Variants in ARHGAP15 observed in about 807,000 individuals in gnomAD.
ARHGAP15 encodes Rho GTPase activating protein 15.
In ARHGAP15, 51 loss-of-function variants were observed where a neutral mutation model predicts 63.7. That is an observed-to-expected ratio of 0.80 (90% CI 0.64 to 1.01). The LOEUF is 1.01. Ranked by LOEUF, ARHGAP15 falls within the 50% of genes least tolerant of loss-of-function variation. The pLI is 0.00. For missense variants in ARHGAP15, 560 were observed against 564.6 expected (o/e 0.99, Z 0.08); for synonymous variants, 191 against 193.8 (o/e 0.99, Z 0.12).
chr2:143,765,986 C>G (rs1467261700), intron 13 of ARHGAP15, among the ~76,000 whole-genome samples: 2 of 152,134 alleles, frequency 1.3e-5, no homozygotes, highest in African/African-American at 4.8e-5. Context: ...GTCAAATATG[C>G]TTTGCTGGCC....
At position 143,583,738 on chromosome 2, in the gene ARHGAP15, AACT is replaced by A. The variant is rs1696999702; in HGVS notation, c.1003+27257_1003+27259del. 2.0e-5 allele frequency among the ~76,000 whole-genome samples: 3 copies of A among 152,232 alleles called. No homozygotes were observed. In the South Asian group the frequency reaches 6.2e-4, roughly 32 times the overall value. On this transcript the variant is annotated intron_variant, in intron 11 of 13. Coordinates refer to ENST00000295095, the MANE Select transcript of ARHGAP15 (RefSeq NM_018460.4). Reference sequence around the variant, plus strand: ...GAAGACCTCTTGTGAACTGACAAACAACTACTTTTATTCAGAAATAATTGTGAG... The same window carrying A: ...GAAGACCTCTTGTGAACTGACAAACAACTTTTATTCAGAAATAATTGTGAG...
intron 12 of ARHGAP15, among the ~76,000 whole-genome samples, chr2:143,699,688 T>C (rs1166696453): frequency 2.0e-5 from 3 of 152,152 alleles, no homozygotes; most frequent in Non-Finnish European, 4.4e-5. Context: ...GTTCATGAAT[T>C]AGCAACTACA....
intron 3 of ARHGAP15, among the ~76,000 whole-genome samples, chr2:143,210,387 T>TG (rs1692520200): frequency 6.6e-6 from 1 of 152,108 alleles, no homozygotes; most frequent in Non-Finnish European, 1.5e-5. Context: ...AAAAGTCGTA[T>TG]GGGGGTTCTT....
intron 5 of ARHGAP15, among the ~76,000 whole-genome samples, chr2:143,235,252 T>G (rs1265755951): frequency 6.6e-6 from 1 of 151,844 alleles, no homozygotes; most frequent in Non-Finnish European, 1.5e-5. Context: ...GTTTTTTTTT[T>G]TTTTTCCACT....
Position 143,155,643 on chromosome 2 carries a change from G to A in ARHGAP15, c.153G>A (p.Lys51=). The change falls in exon 2 of 14, where the codon AAG becomes AAA. Residue 51 remains lysine (K), a synonymous_variant. Transcript: ENST00000295095. ...CCATGATCCTCACCGATGTCGGGAA[G>A]GTCACTGAACCTGTAAGTCAAATAC... ...SKSMILTDVG[K]VTEPISRHRR... The A allele has an allele frequency of 6.4e-7, 1 of 1,570,178 alleles. No individual in the cohort carries two copies. Among genetic ancestry groups the A allele is most frequent in the Non-Finnish European group, 8.6e-7 (1 of 1,163,412 alleles).
chr2:143,149,664 C>A (rs1257627897), intron 1 of ARHGAP15, among the ~76,000 whole-genome samples: 1 of 151,964 alleles, frequency 6.6e-6, no homozygotes, highest in Admixed American at 6.6e-5. Context: ...ACATTGTTTT[C>A]TTTCTGCCTC....
At chr2:143,649,396 ACT>A (rs1457757626) in intron 12 of ARHGAP15, among the ~76,000 whole-genome samples, 2 of 151,930 alleles carry the variant, frequency 1.3e-5, no homozygotes, top group African/African-American at 4.8e-5. Flanking sequence ...TTTAAACAAA[ACT>A]GCTTTCCTGA....
At chr2:143,133,790 A>C (rs1689001880) in intron 1 of ARHGAP15, among the ~76,000 whole-genome samples, 1 of 152,058 alleles carries the variant, frequency 6.6e-6, no homozygotes, top group Admixed American at 6.6e-5. Flanking sequence ...ATCCAACGTA[A>C]CCACTTTTCA....
chr2:143,519,987 G>C (rs929606253), intron 10 of ARHGAP15, among the ~76,000 whole-genome samples: 44 of 152,284 alleles, frequency 2.9e-4, no homozygotes, highest in African/African-American at 1.1e-3. Context: ...TATCTGTGGG[G>C]TGTTTTTCCT....
At chr2:143,244,587 G>A (rs1693977475) in intron 5 of ARHGAP15, among the ~76,000 whole-genome samples, 1 of 152,202 alleles carries the variant, frequency 6.6e-6, no homozygotes, top group South Asian at 2.1e-4. Flanking sequence ...CACGGATGTA[G>A]CGTAGCTGGT....
chr2:143,725,830 C>T (rs889903491), intron 13 of ARHGAP15, among the ~76,000 whole-genome samples: 3 of 152,106 alleles, frequency 2.0e-5, no homozygotes, highest in Non-Finnish European at 2.9e-5. Flanking sequence ...ATGTAAATCC[C>T]GAAGCCTCGA....
chr2:143,410,124 TAAATAA>T (rs1688383270), intron 6 of ARHGAP15, among the ~76,000 whole-genome samples: 1 of 152,076 alleles, frequency 6.6e-6, no homozygotes, highest in Non-Finnish European at 1.5e-5. Flanking sequence ...ACTATATAAA[TAAATAA>T]AAATAAAATC....
In ARHGAP15 at chr2:143,548,858, C is replaced by A. The variant is rs1574619618; in HGVS notation, c.926-7550C>A. 2.6e-5 allele frequency among the ~76,000 whole-genome samples: 4 copies of A among 151,508 alleles called. 1 individual carries two copies. The highest frequency in any genetic ancestry group is 2.6e-4 in the Admixed American group (4 of 15,204). ...AATATGAGGAAGGTAGAACAAAAAA[C>A]CAAAATGAGATAAAAATTGAAAAGA... On this transcript the variant is annotated intron_variant, in intron 10 of 13. Coordinates refer to ENST00000295095, the MANE Select transcript of ARHGAP15 (RefSeq NM_018460.4).
At chr2:143,312,571 A>ATAGT (rs892691290) in intron 6 of ARHGAP15, among the ~76,000 whole-genome samples, 3 of 152,134 alleles carry the variant, frequency 2.0e-5, no homozygotes, top group Non-Finnish European at 4.4e-5. Flanking sequence ...AACTTTTTTT[A>ATAGT]TAGTGTATGT....
At chr2:143,456,797 A>G (rs1042224985) in intron 8 of ARHGAP15, among the ~76,000 whole-genome samples, 14 of 150,992 alleles carry the variant, frequency 9.3e-5, no homozygotes, top group Non-Finnish European at 1.6e-4. Flanking sequence ...GTTATTATAT[A>G]TAAGTAATTA....
rs576225589 is a variant in ARHGAP15, at chr2:143,611,490, A to G, written c.1004-12643A>G. 2.0e-5 allele frequency among the ~76,000 whole-genome samples: 3 copies of G among 152,314 alleles called. No homozygotes were observed. The South Asian group carries it at 6.2e-4, about 32-fold the overall frequency. On this transcript the variant is annotated intron_variant, in intron 11 of 13. Transcript: ENST00000295095. The stretch of plus-strand genomic sequence containing the variant: ...CTTGCTTTGTTACTATGAAAATGAC[A>G]TAAGATCATGCAGATAAAGTACCAA...
chr2:143,457,455 G>A (rs2105149083), intron 8 of ARHGAP15, among the ~76,000 whole-genome samples: 1 of 151,982 alleles, frequency 6.6e-6, no homozygotes, highest in East Asian at 1.9e-4. Flanking sequence ...ACTTACTTGA[G>A]CCCAGGAGTT....
At chr2:143,373,072 G>A (rs1228043674) in intron 6 of ARHGAP15, among the ~76,000 whole-genome samples, 1 of 134,698 alleles carries the variant, frequency 7.4e-6, no homozygotes. Flanking sequence ...AGAGAAAATA[G>A]CACATAATTA....
chr2:143,625,373 T>G (rs182715100), intron 12 of ARHGAP15, among the ~76,000 whole-genome samples: 9 of 152,246 alleles, frequency 5.9e-5, no homozygotes, highest in Non-Finnish European at 1.2e-4. Flanking sequence ...TGTTTAAAGC[T>G]CTGGCAAAAC....
Sources: gnomAD v4.1 joint callset for allele counts (sites outside exome capture counted in the v4.1 genomes callset) on GRCh38, gnomAD v4.1.1 for gene constraint, MANE v1.5 for transcripts, NCBI Gene and HGNC (gene_info 2026-07-23, HGNC 2026-07-21) for gene names.